Variants in MRPS6 observed in about 807,000 individuals in gnomAD.
MRPS6 encodes small ribosomal subunit protein bS6m.
In MRPS6, 6 loss-of-function variants were observed where a neutral mutation model predicts 13.1. The observed-to-expected ratio is 0.46, with a 90% CI of 0.25 to 0.91. The LOEUF (loss-of-function observed/expected upper bound fraction) is 0.91. Among genes scored for constraint, MRPS6 ranks in the 40% least tolerant of loss-of-function variants. The pLI, the probability that MRPS6 is intolerant of heterozygous loss-of-function variation, is 0.18. For missense variants in MRPS6, 164 were observed against 155.6 expected (o/e 1.05, Z -0.29); for synonymous variants, 61 against 56.5 (o/e 1.08, Z -0.36).
chr21:34,100,928 T>C, intron 1 of MRPS6: 1 of 1,000,192 alleles, frequency 1.0e-6, no homozygotes, highest in Non-Finnish European at 1.2e-6. Context: ...TGCTTGGCAG[T>C]GTTAAAGCTT....
chr21:34,141,994 T>G (rs943235814), intron 2 of MRPS6, among the ~76,000 whole-genome samples: 11 of 152,208 alleles, frequency 7.2e-5, no homozygotes, highest in Non-Finnish European at 1.6e-4. Context: ...GAAAATCCTT[T>G]GAAAAGTTAG....
chr21:34,111,550 CAG>C (rs746775681), intron 1 of MRPS6, among the ~76,000 whole-genome samples: 2 of 152,334 alleles, frequency 1.3e-5, no homozygotes. Context: ...GTGTATAGCA[CAG>C]GGCATAGATT....
chr21:34,135,197 C>G (rs1222368662), intron 2 of MRPS6, among the ~76,000 whole-genome samples: 3 of 152,058 alleles, frequency 2.0e-5, no homozygotes, highest in Non-Finnish European at 4.4e-5. Context: ...ATAGGTACAG[C>G]TGCTGTGAAC....
chr21:34,137,005 T>C (rs1980727477), intron 2 of MRPS6, among the ~76,000 whole-genome samples: 1 of 152,228 alleles, frequency 6.6e-6, no homozygotes, highest in African/African-American at 2.4e-5. Flanking sequence ...TCTATTTTTG[T>C]ACTCCATTCT....
intron 2 of MRPS6, among the ~76,000 whole-genome samples, chr21:34,139,016 A>G (rs1980807702): frequency 6.6e-6 from 1 of 151,552 alleles, no homozygotes. Context: ...CATAAAAATG[A>G]TGAGTTCATG....
chr21:34,138,133 C>T (rs989034492), intron 2 of MRPS6, among the ~76,000 whole-genome samples: 20 of 151,096 alleles, frequency 1.3e-4, no homozygotes, highest in Middle Eastern at 3.4e-3. Flanking sequence ...CCTTTTTTCT[C>T]GGTGAATTTG....
intron 1 of MRPS6, chr21:34,100,815 A>G: frequency 1.0e-6 from 1 of 1,000,224 alleles, no homozygotes; most frequent in Non-Finnish European, 1.2e-6. Flanking sequence ...TTTGAATATC[A>G]TTTGGTGTGG....
intron 1 of MRPS6, chr21:34,101,120 C>A: frequency 1.0e-6 from 1 of 999,964 alleles, no homozygotes; most frequent in Admixed American, 6.2e-5. Flanking sequence ...ACAAAATTTT[C>A]CTAAGAAATC....
chr21:34,106,051 C>A (rs560478317), intron 1 of MRPS6: 6 of 996,972 alleles, frequency 6.0e-6, no homozygotes, highest in Non-Finnish European at 6.0e-6. Flanking sequence ...TCATTACTGA[C>A]TCTGTAAAAT....
chr21:34,125,660 G>A (rs2834382), intron 2 of MRPS6, among the ~76,000 whole-genome samples, 180 bp downstream of exon 2: 28,245 of 152,006 alleles, frequency 0.19, 5,103 homozygotes, highest in African/African-American at 0.47. Flanking sequence ...CTGGCCCTTC[G>A]TGGACTATGA....
rs781625213 is a variant in MRPS6 at position 34,142,488 on chromosome 21, T to G, written c.266T>G (p.Ile89Ser). The G allele has an allele frequency of 2.0e-5, 32 of 1,613,312 alleles. No homozygotes were observed. In the East Asian group the frequency reaches 6.9e-4, roughly 35 times the overall value. Residue 89 changes from isoleucine (I) to serine (S), a missense_variant, in exon 3 of 3, where the codon ATT becomes AGT. Ile to Ser is a moderately radical substitution (Grantham distance 142). Transcript: ENST00000399312. ...VEHLSRDIDVIRGNIVKHPLT... is the reference protein window; with the variant it reads ...VEHLSRDIDVSRGNIVKHPLT... ...CACTTGTCTCGAGATATAGATGTGA[T>G]TAGAGGGAATATTGTCAAACACCCT... is the stretch of plus-strand genomic sequence containing the variant.
intron 1 of MRPS6, among the ~76,000 whole-genome samples, chr21:34,120,735 A>G (rs1331805564): frequency 6.6e-6 from 1 of 152,184 alleles, no homozygotes; most frequent in African/African-American, 2.4e-5. Flanking sequence ...TGTATAAAAT[A>G]TTTAATTAAT....
intron 2 of MRPS6, among the ~76,000 whole-genome samples, chr21:34,133,277 A>G (rs1170369768): frequency 1.3e-5 from 2 of 152,152 alleles, no homozygotes; most frequent in Non-Finnish European, 2.9e-5. Context: ...TTATCACATC[A>G]TAGAATCCAA....
intron 1 of MRPS6, among the ~76,000 whole-genome samples, chr21:34,078,117 A>T (rs1989376612): frequency 6.6e-6 from 1 of 152,118 alleles, no homozygotes; most frequent in Non-Finnish European, 1.5e-5. Context: ...ATCAGTTCAA[A>T]CGGAAACATC....
chr21:34,076,280 C>CT (rs529089296), intron 1 of MRPS6, among the ~76,000 whole-genome samples: 13 of 151,374 alleles, frequency 8.6e-5, no homozygotes, highest in Admixed American at 2.0e-4. Flanking sequence ...GTCCTCATTA[C>CT]TTTTTTTTTG....
chr21:34,107,507 G>A (rs1054342298), intron 1 of MRPS6, among the ~76,000 whole-genome samples: 6 of 152,196 alleles, frequency 3.9e-5, no homozygotes, highest in African/African-American at 1.4e-4. Flanking sequence ...AATTAGTGGG[G>A]GGATATTAAA....
At chr21:34,097,717 A>C in intron 1 of MRPS6, 1 of 1,011,074 alleles carries the variant, frequency 9.9e-7, no homozygotes. Flanking sequence ...CCTTACCCTG[A>C]AGTAGAAGAT....
intron 1 of MRPS6, among the ~76,000 whole-genome samples, chr21:34,108,547 A>G (rs560910291): frequency 6.6e-6 from 1 of 152,212 alleles, no homozygotes; most frequent in Non-Finnish European, 1.5e-5. Flanking sequence ...AGATGCCTCC[A>G]GTTCTAAACC....
chr21:34,099,400 T>G, intron 1 of MRPS6: 1 of 1,000,250 alleles, frequency 1.0e-6, no homozygotes, highest in Non-Finnish European at 1.2e-6. Flanking sequence ...GTCCTGTTTT[T>G]TCAAAGGAAC....
Sources: gnomAD v4.1 joint callset for allele counts (sites outside exome capture counted in the v4.1 genomes callset) on GRCh38, gnomAD v4.1.1 for gene constraint, MANE v1.5 for transcripts, NCBI Gene and HGNC (gene_info 2026-07-23, HGNC 2026-07-21) for gene names.